The following LRMDA variants were observed in gnomAD, a reference collection of about 807,000 sequenced individuals.
The protein encoded by LRMDA is leucine rich melanocyte differentiation associated.
Under a neutral mutation model 29.8 loss-of-function variants are expected in LRMDA, and 18 were observed. That is an observed-to-expected ratio of 0.60 (90% CI 0.42 to 0.90). LRMDA has a LOEUF of 0.90. Among genes scored for constraint, LRMDA ranks in the 40% least tolerant of loss-of-function variants. The probability of loss-of-function intolerance (pLI) is 0.00; values close to 1 mark genes in which losing one functional copy is unlikely to be tolerated. For missense variants in LRMDA, 273 were observed against 273.9 expected (o/e 1.00, Z 0.02); for synonymous variants, 125 against 109.4 (o/e 1.14, Z -0.89).
intron 5 of LRMDA, among the ~76,000 whole-genome samples, chr10:76,303,648 G>A (rs1840511029): frequency 6.6e-6 from 1 of 151,522 alleles, no homozygotes; most frequent in South Asian, 2.1e-4. Context: ...GAACTCCAGT[G>A]ATCTTGAATA....
At chr10:76,213,005 G>A (rs1448482261) in intron 5 of LRMDA, among the ~76,000 whole-genome samples, 1 of 152,174 alleles carries the variant, frequency 6.6e-6, no homozygotes. Flanking sequence ...CTCCATGAGT[G>A]GGAGAAGATG....
intron 6 of LRMDA, among the ~76,000 whole-genome samples, chr10:76,368,734 A>G (rs1366264343): frequency 9.3e-5 from 14 of 151,228 alleles, no homozygotes; most frequent in African/African-American, 2.4e-4. Context: ...GTTGCTGTCT[A>G]TCTCATTTCT....
At chr10:76,461,645 G>A (rs1381068021) in intron 6 of LRMDA, among the ~76,000 whole-genome samples, 1 of 152,164 alleles carries the variant, frequency 6.6e-6, no homozygotes, top group Non-Finnish European at 1.5e-5. Flanking sequence ...GGGGGAGATG[G>A]TGAACTGGGA....
intron 2 of LRMDA, among the ~76,000 whole-genome samples, chr10:75,880,547 A>G (rs1845276981): frequency 6.6e-6 from 1 of 152,236 alleles, no homozygotes; most frequent in Admixed American, 6.5e-5. Context: ...CTCCTTTTCC[A>G]GGAAGTTCTG....
chr10:75,541,090 G>C (rs1840009925), intron 2 of LRMDA, among the ~76,000 whole-genome samples: 1 of 152,152 alleles, frequency 6.6e-6, no homozygotes, highest in African/African-American at 2.4e-5. Flanking sequence ...CTCTTGCAGG[G>C]ATTGAATAGC....
intron 6 of LRMDA, among the ~76,000 whole-genome samples, chr10:76,359,410 A>G (rs1438938574): frequency 6.6e-6 from 1 of 152,194 alleles, no homozygotes; most frequent in East Asian, 1.9e-4. Context: ...AAGACTGGTT[A>G]CATTAGTGCT....
chr10:76,241,256 T>C (rs932434180), intron 5 of LRMDA, among the ~76,000 whole-genome samples: 1 of 152,150 alleles, frequency 6.6e-6, no homozygotes, highest in African/African-American at 2.4e-5. Context: ...CCAAATCCTA[T>C]TGAAATAAAA....
At chr10:75,604,942 C>T (rs1358082341) in intron 2 of LRMDA, among the ~76,000 whole-genome samples, 6 of 152,160 alleles carry the variant, frequency 3.9e-5, no homozygotes, top group Non-Finnish European at 7.4e-5. Flanking sequence ...TGAAGACCAC[C>T]GCAGTCTGTG....
At chr10:76,340,515 CAAAAAAAA>C (rs1174024731) in intron 6 of LRMDA, among the ~76,000 whole-genome samples, 4 of 75,760 alleles carry the variant, frequency 5.3e-5, no homozygotes, top group Non-Finnish European at 7.0e-5. Flanking sequence ...GAACCTGTAT[CAAAAAAAA>C]AAAAAAAAAA....
chr10:75,458,871 G>A (rs529090942), intron 2 of LRMDA, among the ~76,000 whole-genome samples: 10 of 152,104 alleles, frequency 6.6e-5, no homozygotes, highest in Admixed American at 3.9e-4. Context: ...AGGAGCAAGC[G>A]GCTATTTTTA....
chr10:76,201,730 T>C (rs1363259637), intron 5 of LRMDA, among the ~76,000 whole-genome samples: 2 of 152,216 alleles, frequency 1.3e-5, no homozygotes, highest in African/African-American at 4.8e-5. Context: ...AATCAACCAA[T>C]AACCTATGTA....
intron 5 of LRMDA, among the ~76,000 whole-genome samples, chr10:76,255,608 C>T (rs749540561): frequency 6.6e-6 from 1 of 152,174 alleles, no homozygotes; most frequent in Non-Finnish European, 1.5e-5. Context: ...TATATCTTTC[C>T]TCAACCAAGA....
chr10:75,803,252 T>G (rs923260760), intron 2 of LRMDA, among the ~76,000 whole-genome samples: 25 of 152,134 alleles, frequency 1.6e-4, no homozygotes, highest in Non-Finnish European at 5.9e-5. Flanking sequence ...TACTTATCTG[T>G]CAAATGAAGA....
At chr10:76,263,331 C>CA (rs1232360697) in intron 5 of LRMDA, among the ~76,000 whole-genome samples, 2 of 151,780 alleles carry the variant, frequency 1.3e-5, no homozygotes, top group Non-Finnish European at 1.5e-5. Context: ...TATGCTTTTG[C>CA]AAAAACTTTT....
At chr10:75,961,415 C>T (rs565809423) in intron 2 of LRMDA, among the ~76,000 whole-genome samples, 5 of 152,318 alleles carry the variant, frequency 3.3e-5, no homozygotes, top group African/African-American at 1.2e-4. Context: ...TGTGTTCCCC[C>T]ACGGGGGTTT....
chr10:76,205,353 A>G (rs1378218987), intron 5 of LRMDA, among the ~76,000 whole-genome samples: 1 of 152,194 alleles, frequency 6.6e-6, no homozygotes, highest in Admixed American at 6.5e-5. Flanking sequence ...AACAGACCCC[A>G]TCATCCACCC....
At chr10:76,021,967 T>C (rs1847982112) in intron 2 of LRMDA, among the ~76,000 whole-genome samples, 1 of 152,148 alleles carries the variant, frequency 6.6e-6, no homozygotes. Flanking sequence ...CTGGAAAAAA[T>C]GCATGATATT....
intron 2 of LRMDA, among the ~76,000 whole-genome samples, chr10:75,974,929 A>G (rs1847044669): frequency 6.6e-6 from 1 of 152,208 alleles, no homozygotes; most frequent in African/African-American, 2.4e-5. Context: ...AATCCCCAAA[A>G]AGTTCACTTG....
intron 2 of LRMDA, among the ~76,000 whole-genome samples, chr10:75,899,408 C>T (rs183428788): frequency 6.6e-6 from 1 of 152,298 alleles, no homozygotes; most frequent in African/African-American, 2.4e-5. Context: ...GCCCAGTGTG[C>T]TACGTAAAGA....
Sources: gnomAD v4.1 joint callset for allele counts (sites outside exome capture counted in the v4.1 genomes callset) on GRCh38, gnomAD v4.1.1 for gene constraint, MANE v1.5 for transcripts, NCBI Gene and HGNC (gene_info 2026-07-23, HGNC 2026-07-21) for gene names.